Variants in LIMA1 observed in about 807,000 individuals in gnomAD.
LIMA1 encodes the protein LIM domain and actin-binding protein 1.
LIMA1 carries 52 observed loss-of-function variants against 62.6 expected under a neutral mutation model. The observed-to-expected ratio is 0.83, with a 90% CI of 0.67 to 1.05. The LOEUF (loss-of-function observed/expected upper bound fraction) is 1.05. LIMA1 is among the 50% of genes least tolerant of loss of function. The pLI is 0.00. For missense variants in LIMA1, 780 were observed against 902.2 expected, an observed-to-expected ratio of 0.86 and a Z score of 1.74; for synonymous variants, 302 against 317.8, an observed-to-expected ratio of 0.95 and a Z score of 0.53.
At chr12:50,208,552 C>G (rs1472825426) in intron 4 of LIMA1, among the ~76,000 whole-genome samples, 1 of 151,632 alleles carries the variant, frequency 6.6e-6, no homozygotes, top group Non-Finnish European at 1.5e-5. Context: ...CAGAAGGCTG[C>G]AGTAGGAAAA....
In LIMA1 at chr12:50,222,401, CT is replaced by C. The variant is rs981070185; in HGVS notation, c.249del (p.Glu84SerfsTer25). 13 of 1,614,024 alleles carry C rather than the reference CT, an allele frequency of 8.1e-6. No individual in the cohort carries two copies. Among genetic ancestry groups the C allele is most frequent in the Non-Finnish European group, 1.1e-5 (13 of 1,180,024 alleles). On this transcript the variant is annotated frameshift_variant, in exon 4 of 11. Coordinates refer to ENST00000341247, the MANE Select transcript of LIMA1 (RefSeq NM_016357.5). LOFTEE classifies it high-confidence loss of function. ...KKKWENPGLG[A>X]ESHTDSLRNS... Reference sequence around the variant, plus strand: ...TTCCGTAGAGAGTCTGTGTGAGACTCTGCTCCCAGCCCTGGGTTCTCCCACT... The same window carrying C: ...TTCCGTAGAGAGTCTGTGTGAGACTCGCTCCCAGCCCTGGGTTCTCCCACT...
At chr12:50,261,043 T>TATATA (rs1491446528) in intron 1 of LIMA1, among the ~76,000 whole-genome samples, 2 of 18,516 alleles carry the variant, frequency 1.1e-4, no homozygotes, top group Non-Finnish European at 2.0e-4. Context: ...ATCTAGTATA[T>TATATA]TTTTTTTTTT....
At chr12:50,269,286 G>A (rs1352662557) in intron 1 of LIMA1, among the ~76,000 whole-genome samples, 1 of 151,986 alleles carries the variant, frequency 6.6e-6, no homozygotes, top group Non-Finnish European at 1.5e-5. Context: ...AATTATTACC[G>A]ACTCACTTTA....
chr12:50,234,683 T>C (rs10783342), intron 2 of LIMA1, among the ~76,000 whole-genome samples: 102,478 of 151,818 alleles, frequency 0.68, 36,041 homozygotes, highest in East Asian at 0.9. Context: ...TCAGAATTCA[T>C]GAGGCATTTG....
At chr12:50,217,386 T>C (rs1941361344) in intron 4 of LIMA1, among the ~76,000 whole-genome samples, 2 of 152,230 alleles carry the variant, frequency 1.3e-5, no homozygotes, top group African/African-American at 4.8e-5. Context: ...CAGCCCATCA[T>C]AGAACACCTA....
At position 50,283,477 on chromosome 12, in the gene LIMA1, C is replaced by G. The variant is rs1346519587; in HGVS notation, c.-81G>C. On this transcript the variant is annotated 5_prime_UTR_variant, in exon 1 of 11. Coordinates refer to ENST00000341247, the MANE Select transcript of LIMA1 (RefSeq NM_016357.5). ...ACCAGCCCTGTCACAGGTCCCGGCG[C>G]TCTACCTAGCGCACCTGTCGCGACC... 6.6e-6 allele frequency: 1 copy of G among 152,354 alleles called. No homozygotes were observed. Among genetic ancestry groups the G allele is most frequent in the Non-Finnish European group, 1.5e-5 (1 of 68,156 alleles). 9.4% of individuals were successfully genotyped at this position (152,354 alleles called of 1,614,324 possible).
intron 1 of LIMA1, among the ~76,000 whole-genome samples, chr12:50,268,175 G>A (rs572057986): frequency 4.6e-5 from 7 of 152,068 alleles, no homozygotes; most frequent in South Asian, 2.1e-4. Context: ...TGAGTGCCTC[G>A]TTTCTGCGGG....
rs1941115541 is a variant in LIMA1 at position 50,204,540 on chromosome 12, C to A, written c.864+12G>T. The stretch of plus-strand genomic sequence containing the variant: ...GGAATGAATGAATGAATGAATGATG[C>A]AGAACACATACTGTATAGTTGGTTG... On this transcript the variant is annotated intron_variant, in intron 6 of 10. Coordinates refer to ENST00000341247, the MANE Select transcript of LIMA1 (RefSeq NM_016357.5). The A allele has an allele frequency of 1.9e-6, 3 of 1,609,928 alleles. No individual in the cohort carries two copies. The South Asian group carries it at 3.3e-5, about 18-fold the overall frequency.
At chr12:50,206,315 A>G (rs1941152557) in intron 4 of LIMA1, among the ~76,000 whole-genome samples, 1 of 152,128 alleles carries the variant, frequency 6.6e-6, no homozygotes, top group African/African-American at 2.4e-5. Context: ...GCTTTGTAAC[A>G]CTTATTGGAG....
rs575384364 is a variant in LIMA1 at position 50,194,589 on chromosome 12, C to T, written c.1030+1241G>A. The stretch of plus-strand genomic sequence containing the variant: ...CTGGGATTACAGGTGTGAGCCACTG[C>T]GCCTGGCCCAGCAACATATATTTTT... On this transcript the variant is annotated intron_variant, in intron 8 of 10. Transcript: ENST00000341247. 1.4e-3 allele frequency among the ~76,000 whole-genome samples: 212 copies of T among 151,870 alleles called. 1 individual carries two copies. The highest frequency in any genetic ancestry group is 3.5e-3 in the Middle Eastern group (1 of 286).
At chr12:50,220,988 A>T (rs916584135) in intron 4 of LIMA1, among the ~76,000 whole-genome samples, 5 of 152,230 alleles carry the variant, frequency 3.3e-5, no homozygotes, top group Admixed American at 6.5e-5. Flanking sequence ...CTAAGTAGAA[A>T]AGTGACTGGC....
intron 1 of LIMA1, among the ~76,000 whole-genome samples, chr12:50,264,660 G>T (rs957293778): frequency 1.3e-5 from 2 of 152,224 alleles, no homozygotes; most frequent in Non-Finnish European, 2.9e-5. Flanking sequence ...AACTAAAGGA[G>T]ACAATAAATG....
In LIMA1 at chr12:50,258,435, T is replaced by C. The variant is rs142223523; in HGVS notation, c.-23-9661A>G. Among the ~76,000 whole-genome samples, 678 of 152,030 alleles carry C rather than the reference T, an allele frequency of 4.5e-3. 3 individuals are homozygous for C. Among genetic ancestry groups the C allele is most frequent in the Non-Finnish European group, 7.9e-3 (534 of 67,986 alleles). On this transcript the variant is annotated intron_variant, in intron 1 of 10. Transcript: ENST00000341247. Reference sequence around the variant, plus strand: ...CCTCAGCCTGCCAAGTAGCTGGGACTAGACACATGCCACCGCGCCTGGCTA... The same window carrying C: ...CCTCAGCCTGCCAAGTAGCTGGGACCAGACACATGCCACCGCGCCTGGCTA...
intron 4 of LIMA1, among the ~76,000 whole-genome samples, chr12:50,219,100 T>G (rs1379657656): frequency 2.0e-5 from 3 of 152,082 alleles, no homozygotes; most frequent in Non-Finnish European, 4.4e-5. Context: ...GGGGGATGAG[T>G]ATTCCAAGGT....
At chr12:50,282,756 C>G (rs2138725025) in intron 1 of LIMA1, among the ~76,000 whole-genome samples, 1 of 152,348 alleles carries the variant, frequency 6.6e-6, no homozygotes, top group South Asian at 2.1e-4. Context: ...TTGCAAGCAT[C>G]AGTAAGGAGG....
chr12:50,211,273 A>C (rs954214709), intron 4 of LIMA1, among the ~76,000 whole-genome samples: 4 of 150,736 alleles, frequency 2.7e-5, no homozygotes, highest in Admixed American at 1.3e-4. Flanking sequence ...CAGCGAGCCA[A>C]GATCACGCCA....
intron 1 of LIMA1, among the ~76,000 whole-genome samples, chr12:50,259,190 G>A (rs1019238608): frequency 1.3e-5 from 2 of 151,948 alleles, no homozygotes; most frequent in African/African-American, 2.4e-5. Context: ...ATGTTATCCC[G>A]TACTCAACCT....
chr12:50,260,948 A>G (rs63014960), intron 1 of LIMA1, among the ~76,000 whole-genome samples: 172 of 143,358 alleles, frequency 1.2e-3, no homozygotes, highest in African/African-American at 4.4e-3. Flanking sequence ...AAAAAAAAAA[A>G]GGAAGTCATT....
intron 1 of LIMA1, among the ~76,000 whole-genome samples, chr12:50,279,778 T>C (rs1271550085): frequency 2.0e-5 from 3 of 152,342 alleles, no homozygotes; most frequent in East Asian, 3.9e-4. Flanking sequence ...CCTGTAGTGC[T>C]GGAAGCCAAA....
Sources: allele counts gnomAD v4.1 joint callset (sites outside exome capture counted in the v4.1 genomes callset), GRCh38; gene constraint gnomAD v4.1.1; transcripts MANE v1.5; gene names NCBI Gene and HGNC (gene_info 2026-07-23, HGNC 2026-07-21).